Variants in ZFHX3 observed in about 807,000 individuals in gnomAD.
ZFHX3 encodes zinc finger homeobox 3.
Under a neutral mutation model 279.1 loss-of-function variants are expected in ZFHX3, and 42 were observed. The ratio of observed to expected loss-of-function variants is 0.15; its 90% CI spans 0.12 to 0.19. The LOEUF is 0.19. Among genes scored for constraint, ZFHX3 ranks in the 10% least tolerant of loss-of-function variants. ZFHX3 has a pLI of 1.00. For synonymous variants in ZFHX3, 2,293 were observed against 1,957.8 expected (o/e 1.17, Z -4.52); for missense variants, 4,981 against 4,754.0 (o/e 1.05, Z -1.40).
intron 4 of ZFHX3, among the ~76,000 whole-genome samples, chr16:73,273,765 G>A (rs1400944074): frequency 4.6e-5 from 7 of 152,072 alleles, no homozygotes; most frequent in Non-Finnish European, 1.0e-4. Flanking sequence ...CTTAAGGAGT[G>A]TCTCTGTATA....
intron 2 of ZFHX3, among the ~76,000 whole-genome samples, chr16:73,661,894 A>C (rs189756044): frequency 6.6e-6 from 1 of 152,174 alleles, no homozygotes; most frequent in East Asian, 1.9e-4. Context: ...TTTTCTCAAC[A>C]TAAGAAAGAT....
intron 2 of ZFHX3, among the ~76,000 whole-genome samples, chr16:73,489,725 A>C (rs983162306): frequency 3.9e-5 from 6 of 152,354 alleles, no homozygotes; most frequent in African/African-American, 1.2e-4. Context: ...TATGTAGAAA[A>C]AAATCAGTAA....
At chr16:73,127,370 T>G (rs747338031) in intron 7 of ZFHX3, 45 of 1,305,326 alleles carry the variant, frequency 3.4e-5, no homozygotes, top group South Asian at 1.7e-4. Context: ...TCCACTTAAC[T>G]GAATGGCTGC....
At chr16:72,945,527 C>T (rs951191657) in intron 3 of ZFHX3, among the ~76,000 whole-genome samples, 5 of 152,106 alleles carry the variant, frequency 3.3e-5, no homozygotes, top group Non-Finnish European at 4.4e-5. Flanking sequence ...GGCATGCAGG[C>T]GAAATCTGCT....
chr16:73,399,834 T>TG lies in ZFHX3; in HGVS notation c.-1291+56168dup, dbSNP rs1319844533. ...TGTGTGTGGTGTGTGGAGTGTGGTGTGTGGTGTGTGTGTGTGTGTGTGTGT... is the reference window on the plus strand; with the variant it reads ...TGTGTGTGGTGTGTGGAGTGTGGTGTGGTGGTGTGTGTGTGTGTGTGTGTGT... On this transcript the variant is annotated intron_variant, in intron 3 of 17. Coordinates refer to the ZFHX3 transcript ENST00000641206. Among the ~76,000 whole-genome samples the TG allele has an allele frequency of 6.7e-4, 52 of 77,722 alleles. No individual in the cohort carries two copies. The Middle Eastern group carries it at 0.034, about 50-fold the overall frequency. The allele number at this position is 77,722 out of a possible 152,430, so 51.0% of individuals were successfully genotyped here.
intron 2 of ZFHX3, among the ~76,000 whole-genome samples, chr16:73,562,624 G>C (rs1342138831): frequency 6.8e-6 from 1 of 146,168 alleles, no homozygotes; most frequent in South Asian, 2.2e-4. Flanking sequence ...AAGTGGCTGT[G>C]AAAAGCCTCT....
chr16:73,092,022 T>A (rs370394156), intron 8 of ZFHX3, among the ~76,000 whole-genome samples: 1 of 152,262 alleles, frequency 6.6e-6, no homozygotes, highest in Non-Finnish European at 1.5e-5. Flanking sequence ...CATAGTGATG[T>A]AGTGTCTTGC....
chr16:73,113,868 T>C (rs538821468), intron 7 of ZFHX3, among the ~76,000 whole-genome samples: 67 of 149,962 alleles, frequency 4.5e-4, no homozygotes, highest in African/African-American at 1.6e-3. Context: ...GATCTCTGCT[T>C]ACTGCAAGCT....
At chr16:72,900,219 C>T (rs889214097) in intron 3 of ZFHX3, among the ~76,000 whole-genome samples, 9 of 151,832 alleles carry the variant, frequency 5.9e-5, no homozygotes, top group South Asian at 2.1e-4. Flanking sequence ...GCAAGGACCA[C>T]GTTCTTTCTC....
At chr16:73,454,838 T>G (rs1186538688) in intron 3 of ZFHX3, among the ~76,000 whole-genome samples, 1 of 152,050 alleles carries the variant, frequency 6.6e-6, no homozygotes, top group Non-Finnish European at 1.5e-5. Context: ...ATGCAAATAT[T>G]CAAGACTTTT....
At chr16:73,718,891 G>C (rs1206333949) in intron 1 of ZFHX3, among the ~76,000 whole-genome samples, 2 of 152,140 alleles carry the variant, frequency 1.3e-5, no homozygotes, top group African/African-American at 2.4e-5. Context: ...TGGGATTACA[G>C]GTGTGAGCCA....
intron 7 of ZFHX3, among the ~76,000 whole-genome samples, chr16:73,101,670 G>A (rs1027680616): frequency 2.0e-5 from 3 of 152,044 alleles, no homozygotes; most frequent in African/African-American, 7.2e-5. Context: ...CCATAGTGCT[G>A]GGATTACAGG....
At chr16:72,803,845 C>G (rs1376428964) in intron 7 of ZFHX3, among the ~76,000 whole-genome samples, 1 of 152,214 alleles carries the variant, frequency 6.6e-6, no homozygotes, top group Non-Finnish European at 1.5e-5. Flanking sequence ...GCCATTACAG[C>G]ATTTTGGGTC....
intron 3 of ZFHX3, among the ~76,000 whole-genome samples, chr16:73,374,993 A>G (rs1243915042): frequency 6.6e-6 from 1 of 152,212 alleles, no homozygotes. Flanking sequence ...AGTTATTTAT[A>G]ATAATTGCTT....
At chr16:73,322,544 G>C (rs74030058) in intron 3 of ZFHX3, among the ~76,000 whole-genome samples, 3,528 of 152,294 alleles carry the variant, frequency 0.023, 73 homozygotes, top group South Asian at 0.061. Context: ...CCCTTATCTT[G>C]TAGGCAGAAT....
In ZFHX3 at chr16:73,191,620, T is replaced by C. The variant is rs72797319; in HGVS notation, c.-1103-47789A>G. 6.8e-3 allele frequency among the ~76,000 whole-genome samples: 1,033 copies of C among 152,328 alleles called. 4 individuals carry two copies. Among genetic ancestry groups the C allele is most frequent in the Non-Finnish European group, 1.0e-2 (680 of 68,030 alleles). On this transcript the variant is annotated intron_variant, in intron 5 of 17. Coordinates refer to the ZFHX3 transcript ENST00000641206. ...TGGTCACCTCCATCCTACTCGATTT[T>C]TCCCCCCAGATTCTCACCTTTTCTT...
chr16:73,098,774 T>C (rs920833197), intron 7 of ZFHX3: 1 of 152,202 alleles, frequency 6.6e-6, no homozygotes, highest in Non-Finnish European at 1.5e-5. Flanking sequence ...GCAAAGCCAT[T>C]TATGCCTGGG....
chr16:73,488,861 C>T (rs1016200190), intron 2 of ZFHX3, among the ~76,000 whole-genome samples: 15 of 152,188 alleles, frequency 9.9e-5, no homozygotes, highest in Admixed American at 7.2e-4. Context: ...CAAATGCCAG[C>T]TTAACCACCC....
intron 5 of ZFHX3, among the ~76,000 whole-genome samples, chr16:73,244,608 G>A (rs1293694257): frequency 4.6e-5 from 7 of 152,322 alleles, no homozygotes; most frequent in Admixed American, 1.3e-4. Context: ...ATTTCAACCC[G>A]AAGCAGACAC....
Sources: allele counts gnomAD v4.1 joint callset (sites outside exome capture counted in the v4.1 genomes callset), GRCh38; gene constraint gnomAD v4.1.1; transcripts MANE v1.5; gene names NCBI Gene and HGNC (gene_info 2026-07-23, HGNC 2026-07-21).